SMPD4: variants seen among roughly 807,000 people sequenced by gnomAD.
The protein encoded by SMPD4 is neutral sphingomyelinase 3.
SMPD4 carries 58 observed loss-of-function variants against 97.8 expected under a neutral mutation model. The ratio of observed to expected loss-of-function variants is 0.59; its 90% confidence interval spans 0.48 to 0.74. The LOEUF (loss-of-function observed/expected upper bound fraction) is 0.74, where lower values mean the gene tolerates loss of function less well. Among genes scored for constraint, SMPD4 ranks in the 30% least tolerant of loss-of-function variants. The pLI, the probability that SMPD4 is intolerant of heterozygous loss-of-function variation, is 0.00. For synonymous variants in SMPD4, 388 were observed against 450.0 expected (o/e 0.86, Z 1.74); for missense variants, 853 against 1,080.5 (o/e 0.79, Z 2.95).
chr2:130,159,287 G>A (rs1177400043), intron 11 of SMPD4, among the ~76,000 whole-genome samples: 3 of 152,112 alleles, frequency 2.0e-5, no homozygotes, highest in Admixed American at 2.0e-4. Flanking sequence ...GAGCCATCGT[G>A]GCTGGCTATT....
chr2:130,171,787 C>T (rs1688487950), intron 8 of SMPD4, among the ~76,000 whole-genome samples: 1 of 152,228 alleles, frequency 6.6e-6, no homozygotes, highest in Non-Finnish European at 1.5e-5. Context: ...GTCAGAGGTG[C>T]ACAGGCAGCT....
Position 130,157,509 on chromosome 2 carries a change from G to A in SMPD4, c.952-113C>T, listed in dbSNP as rs1206243310. 8.5e-6 allele frequency: 13 copies of A among 1,529,262 alleles called. No homozygotes were observed. The Admixed American group carries it at 2.2e-4, about 25-fold the overall frequency. 94.7% of individuals were successfully genotyped at this position (1,529,262 alleles called of 1,614,324 possible). ...GCCAGTTGCTCTGCTGCCCCCACGG[G>A]AGGCATGAGCCAGGCCAGGAGTGGG... On this transcript the variant is annotated intron_variant, in intron 11 of 19. Coordinates refer to ENST00000680298, the MANE Select transcript of SMPD4 (RefSeq NM_017951.5).
chr2:130,164,179 G>A (rs1687695707), intron 10 of SMPD4, among the ~76,000 whole-genome samples, 195 bp downstream of exon 10: 1 of 152,114 alleles, frequency 6.6e-6, no homozygotes, highest in Non-Finnish European at 1.5e-5. Flanking sequence ...TACACATCAG[G>A]GTGCAATGCC....
intron 8 of SMPD4, among the ~76,000 whole-genome samples, chr2:130,170,064 C>A (rs1688298624): frequency 6.6e-6 from 1 of 151,702 alleles, no homozygotes; most frequent in African/African-American, 2.4e-5. Context: ...GTTAAATTAG[C>A]TGGCTGTAGT....
At chr2:130,158,323 T>TC in intron 11 of SMPD4, 2 of 1,149,878 alleles carry the variant, frequency 1.7e-6, no homozygotes. Context: ...GCCAAACTTT[T>TC]TTTTTTTTTC....
At chr2:130,168,448 T>C (rs776843808) in intron 8 of SMPD4, among the ~76,000 whole-genome samples, 2 of 151,862 alleles carry the variant, frequency 1.3e-5, no homozygotes, top group Non-Finnish European at 2.9e-5. Flanking sequence ...TTTGAAAAAA[T>C]AGGAGAATCA....
intron 15 of SMPD4, chr2:130,154,709 A>G (rs1686593396): frequency 3.3e-6 from 2 of 601,764 alleles, no homozygotes; most frequent in East Asian, 2.8e-5. Flanking sequence ...TGCAGGAGGT[A>G]AACAACAGGA....
At position 130,172,414 on chromosome 2, in the gene SMPD4, G is replaced by A. The variant is rs145875881; in HGVS notation, c.594C>T (p.Thr198=). Residue 198 remains threonine (T), a synonymous_variant, in exon 8 of 20, where the codon ACC becomes ACT. Transcript: ENST00000680298. ...AGAGTGGTGGGGGCACACTGCCTTC[G>A]GTGGGCAGGAACCATGACAGGTACC... ...VDRYLSWFLP[T]EGSVPPPLSS... The A allele has an allele frequency of 4.5e-5, 73 of 1,611,754 alleles. 1 individual carries two copies. The highest frequency in any genetic ancestry group is 1.5e-4 in the South Asian group (14 of 90,752).
chr2:130,156,084 T>A lies in SMPD4; in HGVS notation c.1240A>T (p.Lys414Ter). 6.2e-7 allele frequency: 1 copy of A among 1,611,354 alleles called. No homozygotes were observed. The highest frequency in any genetic ancestry group is 8.5e-7 in the Non-Finnish European group (1 of 1,179,890). Reference protein sequence around the residue: ...YLQPWRYAPDKQAPGSDSQPR... With the variant: ...YLQPWRYAPD ...TGGGAGTCGCTGCCCGGAGCCTGCT[T>A]GTCAGGCGCGTACCGCCACGGCTGC... Residue 414 changes from lysine (K) to a stop codon, truncating the protein, a stop_gained, in exon 14 of 20, where the codon AAG becomes TAG. Coordinates refer to ENST00000680298, the MANE Select transcript of SMPD4 (RefSeq NM_017951.5). LOFTEE classifies it high-confidence loss of function.
chr2:130,153,680 G>A, intron 17 of SMPD4, 22 bp downstream of exon 17: 1 of 1,611,350 alleles, frequency 6.2e-7, no homozygotes, highest in East Asian at 2.2e-5. Context: ...GATGGCGGTG[G>A]GGCAGGCCCC....
chr2:130,157,213 G>A lies in SMPD4; in HGVS notation c.1097+38C>T, dbSNP rs780990528. On this transcript the variant is annotated intron_variant, in intron 12 of 19. Coordinates refer to ENST00000680298, the MANE Select transcript of SMPD4 (RefSeq NM_017951.5). Reference sequence around the variant, plus strand: ...CGACACCTTAGGAGGGGAAAGTGGGGGAGACGGCAGTGGTGGGAAGCCGCA... The same window carrying A: ...CGACACCTTAGGAGGGGAAAGTGGGAGAGACGGCAGTGGTGGGAAGCCGCA... The A allele has an allele frequency of 6.4e-6, 10 of 1,550,520 alleles. No homozygotes were observed. The South Asian group carries it at 1.1e-4, about 17-fold the overall frequency.
intron 1 of SMPD4, among the ~76,000 whole-genome samples, chr2:130,177,747 C>A (rs1465538103): frequency 6.6e-6 from 1 of 152,018 alleles, no homozygotes; most frequent in African/African-American, 2.4e-5. Flanking sequence ...CCCATAGTGG[C>A]CAGCTTCAGA....
At position 130,176,597 on chromosome 2, in the gene SMPD4, G is replaced by A; in HGVS notation, c.-5C>T. ...CTGCAGGTGAGGGAACGCCATAGCA[G>A]CCTCCAGTGGAGAGTTGAAAATGGC... On this transcript the variant is annotated 5_prime_UTR_variant, in exon 2 of 20. Transcript: ENST00000680298. The A allele has an allele frequency of 6.2e-7, 1 of 1,613,554 alleles. No homozygotes were observed. Among genetic ancestry groups the A allele is most frequent in the Non-Finnish European group, 8.5e-7 (1 of 1,179,750 alleles).
intron 10 of SMPD4, among the ~76,000 whole-genome samples, chr2:130,161,479 G>A (rs1352106869): frequency 1.3e-5 from 2 of 152,164 alleles, no homozygotes; most frequent in East Asian, 1.9e-4. Flanking sequence ...CCCAGCAGCC[G>A]CGGGCCAGCG....
intron 8 of SMPD4, among the ~76,000 whole-genome samples, chr2:130,170,262 A>C (rs1338408340): frequency 6.6e-6 from 1 of 151,830 alleles, no homozygotes; most frequent in Non-Finnish European, 1.5e-5. Context: ...CGAGGCAGGC[A>C]GATCACTTGT....
At chr2:130,165,748 T>C (rs1378041742) in intron 9 of SMPD4, among the ~76,000 whole-genome samples, 4 of 152,162 alleles carry the variant, frequency 2.6e-5, no homozygotes, top group Non-Finnish European at 5.9e-5. Context: ...TGTTTTTCAT[T>C]AGAAGAGATG....
rs1158983881 is a variant in SMPD4 at position 130,174,968 on chromosome 2, G to C, written c.72C>G (p.Pro24=). The part of the protein sequence containing the change: ...ASLKADSINK[P]FAQQCQDLVK... ...CCAAGTCTTGGCACTGCTGTGCAAAGGGCTTATTTATAGAGTCAGCTTTCA... is the reference window on the plus strand; with the variant it reads ...CCAAGTCTTGGCACTGCTGTGCAAACGGCTTATTTATAGAGTCAGCTTTCA... Residue 24 remains proline (P), a synonymous_variant, in exon 3 of 20, where the codon CCC becomes CCG. Coordinates refer to ENST00000680298, the MANE Select transcript of SMPD4 (RefSeq NM_017951.5). 1 of 1,608,930 alleles carries C rather than the reference G, an allele frequency of 6.2e-7. No individual in the cohort carries two copies. Among genetic ancestry groups the C allele is most frequent in the Non-Finnish European group, 8.5e-7 (1 of 1,175,712 alleles).
In SMPD4 at chr2:130,173,609, G is replaced by A. The variant is rs761066089; in HGVS notation, c.174C>T (p.Ser58=). 6.2e-7 allele frequency: 1 copy of A among 1,613,830 alleles called. No individual in the cohort carries two copies. The highest frequency in any genetic ancestry group is 1.1e-5 in the South Asian group (1 of 91,066). Reference sequence around the variant, plus strand: ...TCCAGCCAACGAGGACACCATCTAGGCTGCCAAAAATGCTTTCTACCAGCC... The same window carrying A: ...TCCAGCCAACGAGGACACCATCTAGACTGCCAAAAATGCTTTCTACCAGCC... The part of the protein sequence containing the change: ...FPWLVESIFG[S]LDGVLVGWNL... The change falls in exon 4 of 20, where the codon AGC becomes AGT. Residue 58 remains serine, a synonymous_variant. Transcript: ENST00000680298.
intron 1 of SMPD4, among the ~76,000 whole-genome samples, 184 bp from the exon 2 acceptor site, chr2:130,176,821 G>A (rs1268882424): frequency 2.0e-5 from 3 of 152,032 alleles, no homozygotes; most frequent in African/African-American, 4.8e-5. Flanking sequence ...CTGAGTACAG[G>A]CACGTGCCAC....
Sources: allele counts gnomAD v4.1 joint callset (sites outside exome capture counted in the v4.1 genomes callset), GRCh38; gene constraint gnomAD v4.1.1; transcripts MANE v1.5; gene names NCBI Gene and HGNC (gene_info 2026-07-23, HGNC 2026-07-21).